The following KCNJ6 variants were observed in gnomAD, a reference collection of about 807,000 sequenced individuals.
KCNJ6 encodes G protein-activated inward rectifier potassium channel 2.
In KCNJ6, 9 loss-of-function variants were observed where a neutral mutation model predicts 34.2. The ratio of observed to expected loss-of-function variants is 0.26; its 90% CI spans 0.16 to 0.46. The LOEUF (loss-of-function observed/expected upper bound fraction) is 0.46, where lower values mean the gene tolerates loss of function less well. KCNJ6 is among the 20% of genes least tolerant of loss of function. The pLI, the probability that KCNJ6 is intolerant of heterozygous loss-of-function variation, is 1.00. For missense variants in KCNJ6, 236 were observed against 531.3 expected (o/e 0.44, Z 5.46); for synonymous variants, 196 against 207.1 (o/e 0.95, Z 0.46).
intron 2 of KCNJ6, among the ~76,000 whole-genome samples, chr21:37,742,431 G>GT (rs532695353): frequency 1.9e-4 from 29 of 151,900 alleles, no homozygotes; most frequent in East Asian, 5.8e-4. Flanking sequence ...TTAATTAACT[G>GT]TTTTTTTTGT....
intron 2 of KCNJ6, among the ~76,000 whole-genome samples, chr21:37,812,053 T>C (rs2055325403): frequency 6.6e-6 from 1 of 152,238 alleles, no homozygotes; most frequent in Non-Finnish European, 1.5e-5. Context: ...ATGGAATAGC[T>C]AAACTACTGA....
At chr21:37,639,260 T>C (rs574600904) in intron 3 of KCNJ6, among the ~76,000 whole-genome samples, 3 of 152,364 alleles carry the variant, frequency 2.0e-5, no homozygotes, top group Non-Finnish European at 2.9e-5. Flanking sequence ...CAGTCTTCCT[T>C]GTATGATCTC....
intron 3 of KCNJ6, among the ~76,000 whole-genome samples, chr21:37,636,014 G>A (rs2054356300): frequency 6.6e-6 from 1 of 152,160 alleles, no homozygotes; most frequent in South Asian, 2.1e-4. Context: ...CGTATTTGGT[G>A]GTGGGTAGGG....
At chr21:37,633,400 C>G (rs541322944) in intron 3 of KCNJ6, among the ~76,000 whole-genome samples, 1 of 152,146 alleles carries the variant, frequency 6.6e-6, no homozygotes, top group East Asian at 1.9e-4. Context: ...AAGTCAGGAC[C>G]AGTGATTTTA....
chr21:37,715,248 A>T, intron 2 of KCNJ6, 117 bp from the exon 3 acceptor site: 1 of 843,454 alleles, frequency 1.2e-6, no homozygotes, highest in Non-Finnish European at 1.8e-6. Context: ...GTAGCTATAA[A>T]CAAAGTAGAC....
intron 1 of KCNJ6, among the ~76,000 whole-genome samples, chr21:37,864,414 A>G (rs1466377792): frequency 1.3e-5 from 2 of 152,170 alleles, no homozygotes; most frequent in African/African-American, 4.8e-5. Context: ...GCCGGCCAGG[A>G]ATATCCAGTT....
At chr21:37,845,230 G>C (rs2055500628) in intron 1 of KCNJ6, among the ~76,000 whole-genome samples, 1 of 152,206 alleles carries the variant, frequency 6.6e-6, no homozygotes, top group Non-Finnish European at 1.5e-5. Flanking sequence ...GGAGCCAAGG[G>C]TTTTTATATC....
intron 3 of KCNJ6, among the ~76,000 whole-genome samples, chr21:37,637,362 C>A (rs2054362541): frequency 6.6e-6 from 1 of 152,206 alleles, no homozygotes; most frequent in Non-Finnish European, 1.5e-5. Flanking sequence ...GTGAGGGTCA[C>A]CTCCAGTTAT....
At chr21:37,737,722 C>A (rs1001534071) in intron 2 of KCNJ6, among the ~76,000 whole-genome samples, 1 of 152,226 alleles carries the variant, frequency 6.6e-6, no homozygotes, top group African/African-American at 2.4e-5. Flanking sequence ...TGATTCTCTG[C>A]TCACCAAGCC....
In KCNJ6 at chr21:37,668,845, T is replaced by C. The variant is rs545693461; in HGVS notation, c.947-43361A>G. Among the ~76,000 whole-genome samples the C allele has an allele frequency of 1.8e-4, 27 of 152,348 alleles. 1 individual carries two copies. In the South Asian group the frequency reaches 5.6e-3, roughly 32 times the overall value. ...TGACAGGTAAAGGAGGATATCAAAA[T>C]ATTTTATCCCAAAATAGGTTTCTTT... On this transcript the variant is annotated intron_variant, in intron 3 of 3. Coordinates refer to ENST00000609713, the MANE Select transcript of KCNJ6 (RefSeq NM_002240.5).
At chr21:37,890,933 C>T (rs982457622) in intron 1 of KCNJ6, among the ~76,000 whole-genome samples, 6 of 152,172 alleles carry the variant, frequency 3.9e-5, no homozygotes, top group Admixed American at 2.6e-4. Context: ...CACATGGGGG[C>T]AACCTTAATA....
At chr21:37,744,499 T>C (rs1287868473) in intron 2 of KCNJ6, among the ~76,000 whole-genome samples, 1 of 152,088 alleles carries the variant, frequency 6.6e-6, no homozygotes, top group Non-Finnish European at 1.5e-5. Flanking sequence ...CACCAAGCCA[T>C]GTCCTCTTGG....
At chr21:37,779,393 A>AC (rs1376391258) in intron 2 of KCNJ6, among the ~76,000 whole-genome samples, 1 of 152,070 alleles carries the variant, frequency 6.6e-6, no homozygotes, top group Non-Finnish European at 1.5e-5. Context: ...CATTTATTTC[A>AC]AGGTATAGCA....
At chr21:37,913,389 AT>A (rs2055876331) in intron 1 of KCNJ6, among the ~76,000 whole-genome samples, 1 of 152,198 alleles carries the variant, frequency 6.6e-6, no homozygotes, top group Non-Finnish European at 1.5e-5. Context: ...AGGCTTGAAG[AT>A]GTGATCACTG....
chr21:37,607,834 A>T lies in KCNJ6; in HGVS notation c.*17325T>A, dbSNP rs1325290405. ...CTAAAGGATCATTGGTTTTGCTTGG[A>T]GAAAACTTTAGTTATTTTGTATGTT... is the stretch of plus-strand genomic sequence containing the variant. On this transcript the variant is annotated 3_prime_UTR_variant, in exon 4 of 4. Transcript: ENST00000609713. 2 of 152,188 alleles carry T rather than the reference A, an allele frequency of 1.3e-5. No individual in the cohort carries two copies. Among genetic ancestry groups the T allele is most frequent in the Non-Finnish European group, 2.9e-5 (2 of 68,028 alleles). The allele number at this position is 152,188 out of a possible 1,614,324, so 9.4% of individuals were successfully genotyped here.
intron 2 of KCNJ6, among the ~76,000 whole-genome samples, chr21:37,731,100 AGTGTG>A (rs201876593): frequency 1.7e-4 from 23 of 134,778 alleles, no homozygotes; most frequent in East Asian, 6.6e-4. Flanking sequence ...AGATGAGAGA[AGTGTG>A]TGTGTGTGTG....
chr21:37,668,744 G>A (rs77192233), intron 3 of KCNJ6, among the ~76,000 whole-genome samples: 2,740 of 152,204 alleles, frequency 0.018, 62 homozygotes, highest in East Asian at 0.061. Flanking sequence ...TCTGAACTTT[G>A]GGGCACTCCA....
chr21:37,805,307 C>T (rs2055288477), intron 2 of KCNJ6, among the ~76,000 whole-genome samples: 2 of 151,730 alleles, frequency 1.3e-5, no homozygotes, highest in African/African-American at 4.8e-5. Flanking sequence ...AAAAATATCA[C>T]TTCTGGGGAG....
chr21:37,886,949 T>TC (rs894770377), intron 1 of KCNJ6, among the ~76,000 whole-genome samples: 18 of 151,418 alleles, frequency 1.2e-4, no homozygotes, highest in Admixed American at 9.8e-4. Context: ...TTTTTTTTTT[T>TC]CTTTTCTAAA....
Sources: allele counts gnomAD v4.1 joint callset (sites outside exome capture counted in the v4.1 genomes callset), GRCh38; gene constraint gnomAD v4.1.1; transcripts MANE v1.5; gene names NCBI Gene and HGNC (gene_info 2026-07-23, HGNC 2026-07-21).